The following ATRNL1 variants were observed in gnomAD, a reference collection of about 807,000 sequenced individuals.
ATRNL1 encodes the protein attractin like 1.
Under a neutral mutation model 182.7 loss-of-function variants are expected in ATRNL1, and 95 were observed. The ratio of observed to expected loss-of-function variants is 0.52; its 90% confidence interval spans 0.44 to 0.62. The LOEUF (loss-of-function observed/expected upper bound fraction) is 0.62, where lower values mean the gene tolerates loss of function less well. Among genes scored for constraint, ATRNL1 ranks in the 20% least tolerant of loss-of-function variants. The pLI, the probability that ATRNL1 is intolerant of heterozygous loss-of-function variation, is 0.00. For synonymous variants in ATRNL1, 576 were observed against 568.3 expected (o/e 1.01, Z -0.19); for missense variants, 1,471 against 1,679.5 (o/e 0.88, Z 2.17).
intron 25 of ATRNL1, among the ~76,000 whole-genome samples, chr10:115,523,367 T>C (rs531305819): frequency 4.3e-4 from 65 of 152,324 alleles, no homozygotes; most frequent in African/African-American, 1.4e-3. Flanking sequence ...TCTTTACTAA[T>C]AGTACCTGGC....
At position 115,340,206 on chromosome 10, in the gene ATRNL1, C is replaced by G. The variant is rs190217573; in HGVS notation, c.3175+5787C>G. On this transcript the variant is annotated intron_variant, in intron 19 of 28. Transcript: ENST00000355044. ...TCACCCAGGCTGGAGTGCAGTGGCACGATCTCAGCTCACTGCAACCTCCAC... is the reference window on the plus strand; with the variant it reads ...TCACCCAGGCTGGAGTGCAGTGGCAGGATCTCAGCTCACTGCAACCTCCAC... Among the ~76,000 whole-genome samples the G allele has an allele frequency of 7.5e-3, 1,135 of 152,230 alleles. 7 individuals are homozygous for G. Among genetic ancestry groups the G allele is most frequent in the Middle Eastern group, 0.014 (4 of 292 alleles).
chr10:115,202,616 C>T (rs1201782858), intron 8 of ATRNL1, among the ~76,000 whole-genome samples: 1 of 149,252 alleles, frequency 6.7e-6, no homozygotes, highest in Non-Finnish European at 1.5e-5. Flanking sequence ...TTTTGATGTG[C>T]TGCTGGATTC....
At chr10:115,627,951 G>C (rs903135855) in intron 26 of ATRNL1, among the ~76,000 whole-genome samples, 1 of 151,830 alleles carries the variant, frequency 6.6e-6, no homozygotes, top group African/African-American at 2.4e-5. Context: ...TCGAGACCAG[G>C]CTGGCCAACA....
intron 20 of ATRNL1, among the ~76,000 whole-genome samples, chr10:115,408,323 T>C (rs1202464790): frequency 6.6e-6 from 1 of 152,092 alleles, no homozygotes; most frequent in Non-Finnish European, 1.5e-5. Context: ...TTCTTGATGA[T>C]TAGTGATGTT....
At chr10:115,838,533 T>C (rs2134330974) in intron 27 of ATRNL1, among the ~76,000 whole-genome samples, 1 of 152,244 alleles carries the variant, frequency 6.6e-6, no homozygotes, top group South Asian at 2.1e-4. Context: ...TGCATTTATG[T>C]AAAGAAACAA....
intron 26 of ATRNL1, among the ~76,000 whole-genome samples, chr10:115,604,314 C>T (rs1180488333): frequency 1.3e-5 from 2 of 152,064 alleles, no homozygotes; most frequent in African/African-American, 2.4e-5. Flanking sequence ...ATAGAACAGC[C>T]TTGACTGTCC....
chr10:115,164,362 T>A (rs1392894676), intron 6 of ATRNL1, among the ~76,000 whole-genome samples: 1 of 152,182 alleles, frequency 6.6e-6, no homozygotes, highest in Non-Finnish European at 1.5e-5. Context: ...TTAATTTATA[T>A]AATGCTAAGA....
At chr10:115,574,408 A>G (rs948230716) in intron 26 of ATRNL1, among the ~76,000 whole-genome samples, 3 of 151,918 alleles carry the variant, frequency 2.0e-5, no homozygotes, top group African/African-American at 4.8e-5. Context: ...AAAAAAGCCT[A>G]TAGTTGCCAA....
At chr10:115,852,737 G>A (rs756497) in intron 28 of ATRNL1, among the ~76,000 whole-genome samples, 70,684 of 152,010 alleles carry the variant, frequency 0.46, 18,222 homozygotes, top group East Asian at 0.75. Flanking sequence ...TTTAAATCCA[G>A]AGTCAAGGAG....
chr10:115,198,925 A>G (rs907271000), intron 8 of ATRNL1, among the ~76,000 whole-genome samples: 9 of 152,086 alleles, frequency 5.9e-5, no homozygotes, highest in African/African-American at 1.2e-4. Context: ...AGATTTTGCA[A>G]TCAACTAATG....
At chr10:115,337,033 T>G (rs1396287598) in intron 19 of ATRNL1, among the ~76,000 whole-genome samples, 1 of 151,574 alleles carries the variant, frequency 6.6e-6, no homozygotes, top group Non-Finnish European at 1.5e-5. Context: ...TTTTTTTTTT[T>G]TGTATTTTTA....
At chr10:115,374,130 A>G (rs1277275095) in intron 19 of ATRNL1, among the ~76,000 whole-genome samples, 3 of 151,764 alleles carry the variant, frequency 2.0e-5, no homozygotes, top group Non-Finnish European at 4.4e-5. Context: ...CTCATTTCTT[A>G]TAAGTGATTC....
chr10:115,271,019 G>A (rs1271811934), intron 13 of ATRNL1, among the ~76,000 whole-genome samples: 1 of 152,022 alleles, frequency 6.6e-6, no homozygotes, highest in Non-Finnish European at 1.5e-5. Flanking sequence ...CAGAAAAGGA[G>A]GTAAAGTCCT....
At chr10:115,513,334 C>T (rs1592766077) in intron 24 of ATRNL1, among the ~76,000 whole-genome samples, 1 of 152,052 alleles carries the variant, frequency 6.6e-6, no homozygotes, top group African/African-American at 2.4e-5. Flanking sequence ...TGTTAAAAAG[C>T]GATTTCTTGT....
At chr10:115,351,672 T>C (rs1229187519) in intron 19 of ATRNL1, among the ~76,000 whole-genome samples, 1 of 152,154 alleles carries the variant, frequency 6.6e-6, no homozygotes, top group Admixed American at 6.5e-5. Context: ...TTGAAATCAG[T>C]TTGCTGAATT....
chr10:115,261,663 G>T (rs1851396724), intron 10 of ATRNL1, among the ~76,000 whole-genome samples: 1 of 152,064 alleles, frequency 6.6e-6, no homozygotes, highest in Non-Finnish European at 1.5e-5. Flanking sequence ...AGTTATTTAA[G>T]AATAAAAATG....
chr10:115,383,725 C>A (rs910423987), intron 19 of ATRNL1, among the ~76,000 whole-genome samples: 2 of 151,280 alleles, frequency 1.3e-5, no homozygotes, highest in African/African-American at 4.8e-5. Context: ...AGGCACCTAT[C>A]ACAAAATGTC....
chr10:115,700,405 A>G (rs868931558), intron 26 of ATRNL1, among the ~76,000 whole-genome samples: 1 of 152,152 alleles, frequency 6.6e-6, no homozygotes, highest in Middle Eastern at 3.4e-3. Context: ...ATGGTATCTC[A>G]TTGTGGTTTT....
chr10:115,653,323 A>G (rs57991056), intron 26 of ATRNL1, among the ~76,000 whole-genome samples: 7,491 of 152,224 alleles, frequency 0.049, 519 homozygotes, highest in African/African-American at 0.16. Flanking sequence ...TATGAAATCC[A>G]TACTCATTAG....
Sources: allele counts gnomAD v4.1 joint callset (sites outside exome capture counted in the v4.1 genomes callset), GRCh38; gene constraint gnomAD v4.1.1; transcripts MANE v1.5; gene names NCBI Gene and HGNC (gene_info 2026-07-23, HGNC 2026-07-21).